ZMAT4: variants seen among roughly 807,000 people sequenced by gnomAD.
The protein encoded by ZMAT4 is zinc finger matrin-type 4.
Under a neutral mutation model 28.7 loss-of-function variants are expected in ZMAT4, and 17 were observed. The ratio of observed to expected loss-of-function variants is 0.59; its 90% confidence interval spans 0.41 to 0.89. ZMAT4 has a LOEUF of 0.89. Among genes scored for constraint, ZMAT4 ranks in the 40% least tolerant of loss-of-function variants. The probability of loss-of-function intolerance (pLI) is 0.00; values close to 1 mark genes in which losing one functional copy is unlikely to be tolerated. For synonymous variants in ZMAT4, 117 were observed against 109.2 expected (o/e 1.07, Z -0.44); for missense variants, 240 against 283.8 (o/e 0.85, Z 1.11).
At chr8:40,895,910 G>A (rs1387015690) in intron 1 of ZMAT4, among the ~76,000 whole-genome samples, 1 of 152,172 alleles carries the variant, frequency 6.6e-6, no homozygotes, top group South Asian at 2.1e-4. Flanking sequence ...AGAGGACGAC[G>A]TCCATGACTA....
At chr8:40,793,326 G>A (rs149727761) in intron 2 of ZMAT4, among the ~76,000 whole-genome samples, 3 of 152,304 alleles carry the variant, frequency 2.0e-5, no homozygotes, top group African/African-American at 4.8e-5. Flanking sequence ...TCATTGCCAG[G>A]TAAGAAGACT....
intron 6 of ZMAT4, among the ~76,000 whole-genome samples, chr8:40,546,687 G>C (rs1803212733): frequency 6.6e-6 from 1 of 152,180 alleles, no homozygotes; most frequent in Non-Finnish European, 1.5e-5. Flanking sequence ...GCTTCCAGCT[G>C]ATGACCTTTC....
rs370362636 is a variant in ZMAT4 at position 40,686,867 on chromosome 8, G to T, written c.349+10378C>A. On this transcript the variant is annotated intron_variant, in intron 4 of 6. Coordinates refer to ENST00000297737, the MANE Select transcript of ZMAT4 (RefSeq NM_024645.3). ...CTGTTTGACAAAAGTTACTTTGCAG[G>T]CATCTTGACCACAGAGAAAACTAAG... 2.6e-5 allele frequency among the ~76,000 whole-genome samples: 4 copies of T among 152,138 alleles called. No individual in the cohort carries two copies. The East Asian group carries it at 5.8e-4, about 22-fold the overall frequency.
chr8:40,834,162 T>C (rs1296529784), intron 1 of ZMAT4, among the ~76,000 whole-genome samples: 2 of 152,172 alleles, frequency 1.3e-5, no homozygotes, highest in Non-Finnish European at 2.9e-5. Flanking sequence ...CCGCGGGCCG[T>C]GGAACCAGAG....
chr8:40,741,213 G>C (rs1292534147), intron 3 of ZMAT4, among the ~76,000 whole-genome samples: 6 of 152,148 alleles, frequency 3.9e-5, no homozygotes, highest in African/African-American at 1.4e-4. Flanking sequence ...GGGAGGCCGA[G>C]GAGGGTGGAT....
chr8:40,826,687 G>A (rs1816060322), intron 1 of ZMAT4, among the ~76,000 whole-genome samples: 1 of 152,042 alleles, frequency 6.6e-6, no homozygotes, highest in Non-Finnish European at 1.5e-5. Flanking sequence ...CTCCATTTAG[G>A]GTGGTTGAAT....
At position 40,789,647 on chromosome 8, in the gene ZMAT4, T is replaced by C. The variant is rs114236844; in HGVS notation, c.103-21917A>G. Among the ~76,000 whole-genome samples the C allele has an allele frequency of 8.9e-3, 1,348 of 152,286 alleles. 19 individuals carry two copies. The highest frequency in any genetic ancestry group is 0.03 in the African/African-American group (1,265 of 41,540). On this transcript the variant is annotated intron_variant, in intron 2 of 6. Coordinates refer to ENST00000297737, the MANE Select transcript of ZMAT4 (RefSeq NM_024645.3). ...CCTGATGTAATTACTATGCATTGTA[T>C]ACCTGTATCAAAATATCTCATGTAC...
intron 3 of ZMAT4, among the ~76,000 whole-genome samples, chr8:40,703,996 G>A (rs561054416): frequency 1.3e-5 from 2 of 152,290 alleles, no homozygotes; most frequent in African/African-American, 2.4e-5. Flanking sequence ...CTGATCACTG[G>A]TGTTGATTTT....
chr8:40,862,786 A>G (rs1164738874), intron 1 of ZMAT4, among the ~76,000 whole-genome samples: 7 of 151,672 alleles, frequency 4.6e-5, no homozygotes, highest in Middle Eastern at 3.4e-3. Flanking sequence ...ACACTTGGAC[A>G]CAGGAAGGGG....
At chr8:40,559,097 A>C (rs1249495997) in intron 6 of ZMAT4, among the ~76,000 whole-genome samples, 1 of 152,158 alleles carries the variant, frequency 6.6e-6, no homozygotes, top group East Asian at 1.9e-4. Context: ...AGCAGTGTTG[A>C]AACAATTGCA....
chr8:40,611,022 C>T (rs947857045), intron 5 of ZMAT4, among the ~76,000 whole-genome samples: 2 of 151,554 alleles, frequency 1.3e-5, no homozygotes, highest in Non-Finnish European at 2.9e-5. Context: ...GTGGCATCTG[C>T]GAGTTCTGAG....
chr8:40,660,337 C>T (rs1044782530), intron 5 of ZMAT4, among the ~76,000 whole-genome samples: 7 of 152,116 alleles, frequency 4.6e-5, no homozygotes, highest in Admixed American at 3.3e-4. Flanking sequence ...GGAAGTTTTC[C>T]TATTCTTACA....
At chr8:40,567,134 G>A (rs1251510338) in intron 6 of ZMAT4, among the ~76,000 whole-genome samples, 1 of 152,102 alleles carries the variant, frequency 6.6e-6, no homozygotes, top group East Asian at 1.9e-4. Flanking sequence ...AGCACCAGAG[G>A]CCGTAGATAG....
At chr8:40,735,220 G>A (rs181506418) in intron 3 of ZMAT4, among the ~76,000 whole-genome samples, 1 of 152,222 alleles carries the variant, frequency 6.6e-6, no homozygotes, top group Non-Finnish European at 1.5e-5. Context: ...CATCTGCAAA[G>A]TAAGACATGA....
chr8:40,706,402 G>T (rs567352164), intron 3 of ZMAT4, among the ~76,000 whole-genome samples: 1 of 152,162 alleles, frequency 6.6e-6, no homozygotes, highest in East Asian at 1.9e-4. Context: ...ATGAATAAAT[G>T]AGGTGTCAGT....
intron 1 of ZMAT4, among the ~76,000 whole-genome samples, chr8:40,851,181 G>T (rs1817091519): frequency 6.6e-6 from 1 of 152,060 alleles, no homozygotes; most frequent in Admixed American, 6.6e-5. Context: ...ATAAAACTTA[G>T]CTGGGTGTGG....
At chr8:40,699,621 C>CA (rs1810045119) in intron 3 of ZMAT4, among the ~76,000 whole-genome samples, 2 of 150,238 alleles carry the variant, frequency 1.3e-5, no homozygotes, top group African/African-American at 4.9e-5. Flanking sequence ...CACACACACA[C>CA]CATGGAATAC....
At chr8:40,743,242 C>T (rs1812088074) in intron 3 of ZMAT4, among the ~76,000 whole-genome samples, 1 of 152,164 alleles carries the variant, frequency 6.6e-6, no homozygotes, top group Non-Finnish European at 1.5e-5. Context: ...TTTCCCTACT[C>T]AGGAAGAATT....
intron 5 of ZMAT4, among the ~76,000 whole-genome samples, chr8:40,599,405 G>C (rs1032409015): frequency 1.8e-4 from 24 of 133,808 alleles, no homozygotes. Context: ...GTATATATAT[G>C]TGTGTGTGTG....
Sources: gnomAD v4.1 joint callset for allele counts (sites outside exome capture counted in the v4.1 genomes callset) on GRCh38, gnomAD v4.1.1 for gene constraint, MANE v1.5 for transcripts, NCBI Gene and HGNC (gene_info 2026-07-23, HGNC 2026-07-21) for gene names.